KCNJ10: variants seen among roughly 807,000 people sequenced by gnomAD.
KCNJ10 encodes the protein potassium inwardly rectifying channel subfamily J member 10.
KCNJ10 carries 9 observed loss-of-function variants against 22.2 expected under a neutral mutation model. The observed-to-expected ratio is 0.40, with a 90% CI of 0.24 to 0.71. The LOEUF (loss-of-function observed/expected upper bound fraction) is 0.71, where lower values mean the gene tolerates loss of function less well. Among genes scored for constraint, KCNJ10 ranks in the 30% least tolerant of loss-of-function variants. The pLI, the probability that KCNJ10 is intolerant of heterozygous loss-of-function variation, is 0.35. For synonymous variants in KCNJ10, 184 were observed against 187.3 expected (o/e 0.98, Z 0.15); for missense variants, 337 against 482.7 (o/e 0.70, Z 2.83).
chr1:160,053,906 G>A (rs1648963074), intron 1 of KCNJ10, among the ~76,000 whole-genome samples: 1 of 152,146 alleles, frequency 6.6e-6, no homozygotes. Context: ...AAGAGAGGGA[G>A]GGACAAAAGA....
chr1:160,063,018 C>A (rs1365964055), intron 1 of KCNJ10, among the ~76,000 whole-genome samples: 1 of 152,102 alleles, frequency 6.6e-6, no homozygotes, highest in Non-Finnish European at 1.5e-5. Context: ...AGCTGGAAGC[C>A]CAGCTCAGGG....
intron 1 of KCNJ10, among the ~76,000 whole-genome samples, chr1:160,051,006 C>A (rs147690895): frequency 0.018 from 2,691 of 152,102 alleles, 29 homozygotes; most frequent in South Asian, 0.055. Context: ...TGCAGTGATG[C>A]AATCTCAGCT....
chr1:160,064,676 C>G (rs988104514), intron 1 of KCNJ10: 5 of 152,212 alleles, frequency 3.3e-5, no homozygotes, highest in African/African-American at 9.7e-5. Context: ...AACCAGTGCT[C>G]TAGACTCTAA....
At chr1:160,067,545 C>G (rs1649348499) in intron 1 of KCNJ10, among the ~76,000 whole-genome samples, 1 of 152,220 alleles carries the variant, frequency 6.6e-6, no homozygotes, top group Non-Finnish European at 1.5e-5. Context: ...TCTCTGCCCC[C>G]TTCCAGGGCC....
At chr1:160,053,574 G>A (rs893128869) in intron 1 of KCNJ10, among the ~76,000 whole-genome samples, 1 of 150,892 alleles carries the variant, frequency 6.6e-6, no homozygotes, top group Middle Eastern at 3.4e-3. Flanking sequence ...GGAGCCAGAT[G>A]CACACAAATC....
At chr1:160,063,195 A>C (rs1649242059) in intron 1 of KCNJ10, among the ~76,000 whole-genome samples, 1 of 152,054 alleles carries the variant, frequency 6.6e-6, no homozygotes, top group Admixed American at 6.5e-5. Flanking sequence ...AGCACCACCA[A>C]CTGGCTTTTC....
chr1:160,049,265 G>C (rs1387076450), intron 1 of KCNJ10, among the ~76,000 whole-genome samples: 2 of 152,018 alleles, frequency 1.3e-5, no homozygotes, highest in Non-Finnish European at 2.9e-5. Flanking sequence ...TGGCATATAA[G>C]GCCTTCCGCA....
intron 1 of KCNJ10, among the ~76,000 whole-genome samples, chr1:160,050,322 G>A (rs1223396920): frequency 1.3e-5 from 2 of 148,358 alleles, no homozygotes; most frequent in Non-Finnish European, 3.0e-5. Flanking sequence ...TTGTAGAGAT[G>A]GGATCCCACT....
At chr1:160,061,900 A>G (rs1649205684) in intron 1 of KCNJ10, among the ~76,000 whole-genome samples, 2 of 151,944 alleles carry the variant, frequency 1.3e-5, no homozygotes, top group Admixed American at 6.6e-5. Context: ...GTGGGGCCGC[A>G]TAGATGAGTG....
chr1:160,068,624 C>T (rs1649380552), intron 1 of KCNJ10, among the ~76,000 whole-genome samples: 1 of 152,188 alleles, frequency 6.6e-6, no homozygotes, highest in Non-Finnish European at 1.5e-5. Context: ...TTTCTTCCTC[C>T]CTGAAGAACC....
chr1:160,062,265 G>A (rs1261144700), intron 1 of KCNJ10, among the ~76,000 whole-genome samples: 2 of 152,212 alleles, frequency 1.3e-5, no homozygotes, highest in African/African-American at 4.8e-5. Context: ...GCGAAGGGGG[G>A]GTGGTGGGGA....
intron 1 of KCNJ10, among the ~76,000 whole-genome samples, chr1:160,056,216 T>G (rs929348823): frequency 1.3e-5 from 2 of 152,184 alleles, no homozygotes; most frequent in African/African-American, 4.8e-5. Context: ...TGTGCTCATC[T>G]CGGTCCTCGG....
intron 1 of KCNJ10, among the ~76,000 whole-genome samples, chr1:160,059,082 G>C (rs1219379284): frequency 6.6e-6 from 1 of 152,166 alleles, no homozygotes; most frequent in African/African-American, 2.4e-5. Context: ...GCCTCCCTAG[G>C]GGGGCAATAG....
Position 160,063,037 on chromosome 1 carries a change from C to T in KCNJ10, c.-1+6985G>A, listed in dbSNP as rs190692576. On this transcript the variant is annotated intron_variant, in intron 1 of 1. Coordinates refer to ENST00000644903, the MANE Select transcript of KCNJ10 (RefSeq NM_002241.5). Reference sequence around the variant, plus strand: ...GGAAGCCCAGCTCAGGGGAATTTGACTGAAGGGCCAATGAGCCAGGACTAG... The same window carrying T: ...GGAAGCCCAGCTCAGGGGAATTTGATTGAAGGGCCAATGAGCCAGGACTAG... 6.2e-4 allele frequency among the ~76,000 whole-genome samples: 94 copies of T among 152,324 alleles called. 1 individual carries two copies. In the East Asian group the frequency reaches 0.016, roughly 26 times the overall value.
At chr1:160,069,719 G>A (rs1024806136) in intron 1 of KCNJ10, among the ~76,000 whole-genome samples, 3 of 152,340 alleles carry the variant, frequency 2.0e-5, no homozygotes, top group South Asian at 2.1e-4. Flanking sequence ...GGTTGTCACT[G>A]TATTAACTAG....
intron 1 of KCNJ10, among the ~76,000 whole-genome samples, chr1:160,056,419 G>T (rs906725277): frequency 6.6e-6 from 1 of 152,178 alleles, no homozygotes; most frequent in African/African-American, 2.4e-5. Context: ...CATAGCCTGT[G>T]CTCCACTTGT....
At position 160,049,013 on chromosome 1, in the gene KCNJ10, C is replaced by T. The variant is rs117986739; in HGVS notation, c.1-6481G>A. 6.8e-4 allele frequency among the ~76,000 whole-genome samples: 103 copies of T among 152,298 alleles called. 2 individuals carry two copies. In the East Asian group the frequency reaches 0.02, roughly 29 times the overall value. ...TATCCAGTACTTTAGAAAGCACTTTCACATTTTATTCTCATGGCATTCCTA... is the reference window on the plus strand; with the variant it reads ...TATCCAGTACTTTAGAAAGCACTTTTACATTTTATTCTCATGGCATTCCTA... On this transcript the variant is annotated intron_variant, in intron 1 of 1. Coordinates refer to ENST00000644903, the MANE Select transcript of KCNJ10 (RefSeq NM_002241.5).
At chr1:160,051,694 C>T (rs1015180761) in intron 1 of KCNJ10, among the ~76,000 whole-genome samples, 4 of 152,048 alleles carry the variant, frequency 2.6e-5, no homozygotes, top group African/African-American at 4.8e-5. Flanking sequence ...TTGGAGGCGA[C>T]GCCCTTCCTT....
In KCNJ10 at chr1:160,040,000, G is replaced by A. The variant is rs1250468943; in HGVS notation, c.*1393C>T. 3 of 152,260 alleles carry A rather than the reference G, an allele frequency of 2.0e-5. No homozygotes were observed. Among genetic ancestry groups the A allele is most frequent in the Admixed American group, 2.0e-4 (3 of 15,282 alleles). The allele number at this position is 152,260 out of a possible 1,614,324, so 9.4% of individuals were successfully genotyped here. Reference sequence around the variant, plus strand: ...TCTCTTAAAGTCTACTTTTTAACTTGTCTGAAAATGGCCTCATGGCAGAGG... The same window carrying A: ...TCTCTTAAAGTCTACTTTTTAACTTATCTGAAAATGGCCTCATGGCAGAGG... On this transcript the variant is annotated 3_prime_UTR_variant, in exon 2 of 2. Coordinates refer to ENST00000644903, the MANE Select transcript of KCNJ10 (RefSeq NM_002241.5).
Sources: allele counts gnomAD v4.1 joint callset (sites outside exome capture counted in the v4.1 genomes callset), GRCh38; gene constraint gnomAD v4.1.1; transcripts MANE v1.5; gene names NCBI Gene and HGNC (gene_info 2026-07-23, HGNC 2026-07-21).